UNC5D: variants seen among roughly 807,000 people sequenced by gnomAD.
UNC5D encodes the protein unc-5 netrin receptor D.
In UNC5D, 39 loss-of-function variants were observed where a neutral mutation model predicts 105.4. The observed-to-expected ratio is 0.37, with a 90% CI of 0.29 to 0.48. The LOEUF (loss-of-function observed/expected upper bound fraction) is 0.48. Ranked by LOEUF, UNC5D falls within the 20% of genes least tolerant of loss-of-function variation. UNC5D has a pLI of 0.98. For synonymous variants in UNC5D, 452 were observed against 450.4 expected, an observed-to-expected ratio of 1.00 and a Z score of -0.04; for missense variants, 991 against 1,202.4, an observed-to-expected ratio of 0.82 and a Z score of 2.60.
At chr8:35,305,577 T>TTTTCTTTCTTTCTTTC (rs1179890296) in intron 1 of UNC5D, among the ~76,000 whole-genome samples, 2,383 of 53,714 alleles carry the variant, frequency 0.044, 17 homozygotes, top group Middle Eastern at 0.087. Context: ...CTTTCTTTCT[T>TTTTCTTTCTTTCTTTC]TTTCTTTCTT....
intron 16 of UNC5D, among the ~76,000 whole-genome samples, chr8:35,789,541 G>C (rs775460043): frequency 6.6e-6 from 1 of 152,108 alleles, no homozygotes; most frequent in South Asian, 2.1e-4. Context: ...GTTAGAAGAA[G>C]GACCAGTTTG....
intron 1 of UNC5D, among the ~76,000 whole-genome samples, chr8:35,297,633 T>G (rs558902449): frequency 6.6e-6 from 1 of 152,184 alleles, no homozygotes; most frequent in Admixed American, 6.6e-5. Context: ...ACCTGTAATC[T>G]GAATCCCTTC....
rs748991888 is a variant in UNC5D at position 35,755,458 on chromosome 8, T to C, written c.2164-3862T>C. ...GTAAAGCATTTAAAGGAAAGCACCA[T>C]AGCGACATAATTTGTGTGTATGTGT... On this transcript the variant is annotated intron_variant, in intron 13 of 16. Coordinates refer to ENST00000404895, the MANE Select transcript of UNC5D (RefSeq NM_080872.4). 1.2e-3 allele frequency among the ~76,000 whole-genome samples: 177 copies of C among 149,776 alleles called. 1 individual carries two copies. The highest frequency in any genetic ancestry group is 1.5e-3 in the Non-Finnish European group (99 of 67,990).
intron 8 of UNC5D, among the ~76,000 whole-genome samples, chr8:35,707,158 C>G (rs1377074546): frequency 6.6e-6 from 1 of 152,114 alleles, no homozygotes; most frequent in Non-Finnish European, 1.5e-5. Context: ...AGAATTAAGA[C>G]CCTGTGAGGA....
intron 1 of UNC5D, among the ~76,000 whole-genome samples, chr8:35,265,247 A>G (rs1471337338): frequency 6.6e-6 from 1 of 152,204 alleles, no homozygotes; most frequent in Non-Finnish European, 1.5e-5. Context: ...TTCTCTAAAT[A>G]TGGAGCTATA....
chr8:35,503,191 C>T (rs1812080928), intron 1 of UNC5D, among the ~76,000 whole-genome samples: 1 of 152,096 alleles, frequency 6.6e-6, no homozygotes, highest in African/African-American at 2.4e-5. Context: ...TGACTTGGGA[C>T]AGTGATCTCC....
At chr8:35,603,147 A>G (rs1820015271) in intron 4 of UNC5D, among the ~76,000 whole-genome samples, 3 of 151,808 alleles carry the variant, frequency 2.0e-5, no homozygotes, top group Non-Finnish European at 2.9e-5. Flanking sequence ...TAGCGTGTCA[A>G]TTTTAGATCT....
rs187922374 is a variant in UNC5D, at chr8:35,525,360, A to G, written c.104-23932A>G. 2.7e-5 allele frequency: 44 copies of G among 1,612,048 alleles called. No individual in the cohort carries two copies. The East Asian group carries it at 9.6e-4, about 35-fold the overall frequency. On this transcript the variant is annotated intron_variant, in intron 1 of 16. Coordinates refer to ENST00000404895, the MANE Select transcript of UNC5D (RefSeq NM_080872.4). Reference sequence around the variant, plus strand: ...TGTAATAACAACTTCTTCCATGACTACGATGTTTTTTTCTTGCCATTTACA... The same window carrying G: ...TGTAATAACAACTTCTTCCATGACTGCGATGTTTTTTTCTTGCCATTTACA...
At chr8:35,243,679 A>T (rs953091963) in intron 1 of UNC5D, among the ~76,000 whole-genome samples, 1 of 152,172 alleles carries the variant, frequency 6.6e-6, no homozygotes, top group African/African-American at 2.4e-5. Context: ...AAAACAGAGC[A>T]GTGAGTCCAT....
intron 1 of UNC5D, among the ~76,000 whole-genome samples, chr8:35,367,989 T>C (rs1802221251): frequency 6.6e-6 from 1 of 152,332 alleles, no homozygotes; most frequent in South Asian, 2.1e-4. Flanking sequence ...TCTTGTAAAG[T>C]ATGCCCATGC....
chr8:35,271,369 G>A (rs62503918), intron 1 of UNC5D, among the ~76,000 whole-genome samples: 91 of 129,126 alleles, frequency 7.0e-4, no homozygotes, highest in Middle Eastern at 4.5e-3. Flanking sequence ...ACACGTGCAC[G>A]TGTGTATGTA....
chr8:35,245,563 G>T (rs1803041131), intron 1 of UNC5D, among the ~76,000 whole-genome samples: 5 of 151,976 alleles, frequency 3.3e-5, no homozygotes, highest in Middle Eastern at 6.8e-3. Context: ...AGGGTTTGGG[G>T]GTTTGCTATA....
chr8:35,463,643 A>G (rs1415335449), intron 1 of UNC5D, among the ~76,000 whole-genome samples: 1 of 151,346 alleles, frequency 6.6e-6, no homozygotes. Context: ...AAAGCTAGCC[A>G]GGTGTGGTGG....
rs560721130 is a variant in UNC5D at position 35,637,545 on chromosome 8, A to C, written c.570+41888A>C. Among the ~76,000 whole-genome samples, 15 of 152,306 alleles carry C rather than the reference A, an allele frequency of 9.8e-5. No homozygotes were observed. The East Asian group carries it at 2.1e-3, about 22-fold the overall frequency. ...ATACGGGAACAGAGTTCACGTTTTC[A>C]TGAGGCCTCTCTAATGGGTATGAGA... On this transcript the variant is annotated intron_variant, in intron 4 of 16. Coordinates refer to ENST00000404895, the MANE Select transcript of UNC5D (RefSeq NM_080872.4).
At chr8:35,320,870 G>C (rs1036033558) in intron 1 of UNC5D, among the ~76,000 whole-genome samples, 8 of 152,126 alleles carry the variant, frequency 5.3e-5, no homozygotes, top group African/African-American at 1.9e-4. Flanking sequence ...TTTTATTTTT[G>C]ACTTACAAAT....
At position 35,358,695 on chromosome 8, in the gene UNC5D, G is replaced by A. The variant is rs374618121; in HGVS notation, c.103+122808G>A. On this transcript the variant is annotated intron_variant, in intron 1 of 16. Transcript: ENST00000404895. Reference sequence around the variant, plus strand: ...TGCTGTATCATGTATTTAAATCATAGTCCAATATTCATCCCTCCTTCAAGG... The same window carrying A: ...TGCTGTATCATGTATTTAAATCATAATCCAATATTCATCCCTCCTTCAAGG... 1.1e-4 allele frequency among the ~76,000 whole-genome samples: 17 copies of A among 152,102 alleles called. No homozygotes were observed. The East Asian group carries it at 2.7e-3, about 24-fold the overall frequency.
chr8:35,794,584 G>A lies in UNC5D; in HGVS notation c.*4021G>A, dbSNP rs1036040357. The A allele has an allele frequency of 3.3e-5, 5 of 152,572 alleles. No individual in the cohort carries two copies. Among genetic ancestry groups the A allele is most frequent in the Non-Finnish European group, 5.9e-5 (4 of 68,026 alleles). The allele number at this position is 152,572 out of a possible 1,614,324, so 9.5% of individuals were successfully genotyped here. ...CCGTTTCCGTAGTTTCCACTGTTTT[G>A]TCTGCATAGAATTTTCCTGAACTAC... On this transcript the variant is annotated 3_prime_UTR_variant, in exon 17 of 17. Coordinates refer to ENST00000404895, the MANE Select transcript of UNC5D (RefSeq NM_080872.4).
chr8:35,570,668 C>T (rs932225444), intron 3 of UNC5D, among the ~76,000 whole-genome samples: 5 of 151,998 alleles, frequency 3.3e-5, no homozygotes, highest in Non-Finnish European at 7.4e-5. Flanking sequence ...ATAGAAAACA[C>T]TTAGCCCGGG....
intron 1 of UNC5D, among the ~76,000 whole-genome samples, chr8:35,496,015 G>A (rs139590757): frequency 6.6e-6 from 1 of 152,294 alleles, no homozygotes; most frequent in East Asian, 1.9e-4. Flanking sequence ...TCATAGTGGG[G>A]AATGTTTAAT....
Sources: allele counts gnomAD v4.1 joint callset (sites outside exome capture counted in the v4.1 genomes callset), GRCh38; gene constraint gnomAD v4.1.1; transcripts MANE v1.5; gene names NCBI Gene and HGNC (gene_info 2026-07-23, HGNC 2026-07-21).